CHD2: variants seen among roughly 807,000 people sequenced by gnomAD.
CHD2 encodes ATP-dependent chromatin remodeler CHD2.
Under a neutral mutation model 243.9 loss-of-function variants are expected in CHD2, and 28 were observed. That is an observed-to-expected ratio of 0.11 (90% CI 0.09 to 0.16). The LOEUF (loss-of-function observed/expected upper bound fraction) is 0.16, where lower values mean the gene tolerates loss of function less well. Ranked by LOEUF, CHD2 falls within the 10% of genes least tolerant of loss-of-function variation. CHD2 has a pLI of 1.00. For synonymous variants in CHD2, 775 were observed against 779.0 expected, an observed-to-expected ratio of 0.99 and a Z score of 0.09; for missense variants, 1,386 against 2,209.8, an observed-to-expected ratio of 0.63 and a Z score of 7.47.
At chr15:92,948,270 C>T (rs9302362) in intron 12 of CHD2, among the ~76,000 whole-genome samples, 53,806 of 151,978 alleles carry the variant, frequency 0.35, 11,003 homozygotes, top group East Asian at 0.81. Context: ...TGAAGATCAA[C>T]TGTATTTAGC....
Position 93,012,370 on chromosome 15 carries a change from T to G in CHD2, c.4618T>G (p.Phe1540Val). 1 of 1,607,744 alleles carries G rather than the reference T, an allele frequency of 6.2e-7. No individual in the cohort carries two copies. Among genetic ancestry groups the G allele is most frequent in the Non-Finnish European group, 8.5e-7 (1 of 1,178,284 alleles). The change falls in exon 36 of 39, where the codon TTT (phenylalanine) becomes GTT (valine). Residue 1540 changes from phenylalanine to valine, a missense_variant. Coordinates refer to ENST00000394196, the MANE Select transcript of CHD2 (RefSeq NM_001271.4). ...RRNLWIFVSK[F>V]TEFDARKLHK... ...GAACCTATGGATTTTTGTTTCCAAG[T>G]TTACAGAATTTGATGCTCGAAAACT...
At position 92,948,964 on chromosome 15, in the gene CHD2, A is replaced by G; in HGVS notation, c.1390A>G (p.Arg464Gly). 6.2e-7 allele frequency: 1 copy of G among 1,613,232 alleles called. No individual in the cohort carries two copies. Residue 464 changes from arginine (R) to glycine (G), a missense_variant, in exon 13 of 39, where the codon AGA (arginine) becomes GGA (glycine). By Grantham distance (125) the Arg-to-Gly change is moderately radical. Coordinates refer to ENST00000394196, the MANE Select transcript of CHD2 (RefSeq NM_001271.4). ...TTTTGTTTTTCAGGCCCTGAAGCAG[A>G]GACCACGATTTGTAGCTTTAAAGAA... is the stretch of plus-strand genomic sequence containing the variant. ...PTRECKALKQ[R>G]PRFVALKKQP...
In CHD2 at chr15:93,024,607, C is replaced by T. The variant is rs754174173; in HGVS notation, c.5389C>T (p.His1797Tyr). The T allele has an allele frequency of 1.2e-5, 19 of 1,614,114 alleles. No individual in the cohort carries two copies. In the African/African-American group the frequency reaches 2.3e-4, roughly 19 times the overall value. Residue 1797 changes from histidine (H) to tyrosine (Y), a missense_variant, in exon 39 of 39, where the codon CAC becomes TAC. This residue lies in a region of CHD2 where 347 missense variants were observed against 341.6 expected (regional missense o/e 1.02). Coordinates refer to ENST00000394196, the MANE Select transcript of CHD2 (RefSeq NM_001271.4). Reference sequence around the variant, plus strand: ...CTCACCCCCTTCTCAGAAATCTCCTCACGATTCCAAGTCACCCCTGGATCA... The same window carrying T: ...CTCACCCCCTTCTCAGAAATCTCCTTACGATTCCAAGTCACCCCTGGATCA... The part of the protein sequence containing the change: ...PRSPPSQKSP[H>Y]DSKSPLDHRS...
chr15:93,021,658 G>A (rs1201205164), intron 38 of CHD2: 1 of 152,186 alleles, frequency 6.6e-6, no homozygotes, highest in Non-Finnish European at 1.5e-5. Context: ...CCCATCCAGT[G>A]TACTTTGCAT....
intron 16 of CHD2, 74 bp downstream of exon 16, chr15:92,956,723 G>A: frequency 7.2e-7 from 1 of 1,380,994 alleles, no homozygotes; most frequent in Non-Finnish European, 9.8e-7. Context: ...TTTCTTAGTA[G>A]ACCTTAGGGA....
chr15:92,918,842 C>G (rs1269117273), intron 2 of CHD2, among the ~76,000 whole-genome samples: 1 of 151,170 alleles, frequency 6.6e-6, no homozygotes, highest in African/African-American at 2.4e-5. Flanking sequence ...TACATACACA[C>G]ATATATATAC....
chr15:92,975,976 T>C (rs1053918945), intron 20 of CHD2, among the ~76,000 whole-genome samples: 6 of 152,198 alleles, frequency 3.9e-5, no homozygotes, highest in African/African-American at 1.4e-4. Context: ...AGCTGTAAAA[T>C]CACAATGATT....
In CHD2 at chr15:92,974,880, G is replaced by A. The variant is rs1429832116; in HGVS notation, c.2507G>A (p.Arg836His). The A allele has an allele frequency of 4.3e-6, 7 of 1,613,326 alleles. No individual in the cohort carries two copies. The highest frequency in any genetic ancestry group is 1.1e-5 in the South Asian group (1 of 91,086). ...TTTTCTTGTGGTTTATTTTTACAGC[G>A]TCTGGATGGTTCCATCAAGGGAGAA... is the stretch of plus-strand genomic sequence containing the variant. Reference protein sequence around the residue: ...YLTIKHYPFQRLDGSIKGEIR... With the variant: ...YLTIKHYPFQHLDGSIKGEIR... The change falls in exon 20 of 39, where the codon CGT becomes CAT. Residue 836 changes from arginine (R) to histidine (H), a missense_variant and splice_region_variant. By Grantham distance (29) the Arg-to-His change is conservative. Transcript: ENST00000394196.
chr15:92,927,161 A>G, intron 3 of CHD2, 83 bp from the exon 4 acceptor site: 10 of 962,112 alleles, frequency 1.0e-5, no homozygotes, highest in Non-Finnish European at 1.4e-5. Flanking sequence ...GGTTACTTGA[A>G]TTCTCTTCAA....
At chr15:92,987,773 G>GT (rs964249664) in intron 26 of CHD2, among the ~76,000 whole-genome samples, 14 of 150,036 alleles carry the variant, frequency 9.3e-5, no homozygotes, top group South Asian at 6.3e-4. Flanking sequence ...TATATGTCAT[G>GT]TTTTTTTTGT....
intron 2 of CHD2, chr15:92,904,726 A>G (rs2052587306): frequency 7.1e-7 from 1 of 1,400,564 alleles, no homozygotes; most frequent in Admixed American, 3.1e-5. Flanking sequence ...TAAAATAGAA[A>G]ATTTGCCCAG....
At chr15:92,960,732 T>TA (rs1555441259) in intron 16 of CHD2, among the ~76,000 whole-genome samples, 22 of 146,278 alleles carry the variant, frequency 1.5e-4, no homozygotes, top group African/African-American at 3.6e-4. Context: ...TTTTTTTTTT[T>TA]AAGACAGAGT....
In CHD2 at chr15:92,940,903, AATAT is replaced by A. The variant is rs1164978823; in HGVS notation, c.693-911_693-908del. Among the ~76,000 whole-genome samples, 332 of 94,654 alleles carry A rather than the reference AATAT, an allele frequency of 3.5e-3. 1 individual carries two copies. The highest frequency in any genetic ancestry group is 5.8e-3 in the Non-Finnish European group (275 of 47,354). The allele number at this position is 94,654 out of a possible 152,430, so 62.1% of individuals were successfully genotyped here. A position where few individuals can be genotyped will look rare whatever the true frequency, so the allele number is the denominator to read the frequency against. ...ATAAATATATATAAAAATATATATA[AATAT>A]ATATATAAATATACATATAAATATA... On this transcript the variant is annotated intron_variant, in intron 7 of 38. Transcript: ENST00000394196.
At chr15:92,985,788 A>AG in intron 26 of CHD2, 115 bp downstream of exon 26, 1 of 1,028,210 alleles carries the variant, frequency 9.7e-7, no homozygotes, top group Non-Finnish European at 1.4e-6. Context: ...CCTACAAAAA[A>AG]GGAAAGAGAA....
At chr15:92,943,340 G>A in intron 9 of CHD2, 1 of 390,556 alleles carries the variant, frequency 2.6e-6, no homozygotes, top group Non-Finnish European at 4.7e-6. Flanking sequence ...GATTTGTACT[G>A]TTATTACCCA....
At position 92,965,721 on chromosome 15, in the gene CHD2, T is replaced by C. The variant is rs887641430; in HGVS notation, c.2001-1604T>C. The stretch of plus-strand genomic sequence containing the variant: ...TTCATAAACAAATAAATGATACTTA[T>C]ATCTCCTCAGTGTGTGTAGATCAAG... On this transcript the variant is annotated intron_variant, in intron 16 of 38. Coordinates refer to ENST00000394196, the MANE Select transcript of CHD2 (RefSeq NM_001271.4). Among the ~76,000 whole-genome samples the C allele has an allele frequency of 1.8e-4, 27 of 152,290 alleles. No individual in the cohort carries two copies. In the South Asian group the frequency reaches 5.4e-3, roughly 30 times the overall value.
intron 1 of CHD2, 121 bp downstream of exon 1, chr15:92,900,945 T>TA: frequency 2.2e-6 from 1 of 444,842 alleles, no homozygotes; most frequent in Non-Finnish European, 4.0e-6. Flanking sequence ...TATTTGTATC[T>TA]AGTGTGCTAC....
intron 37 of CHD2, among the ~76,000 whole-genome samples, chr15:93,019,716 C>G (rs2141894526): frequency 6.6e-6 from 1 of 152,198 alleles, no homozygotes; most frequent in African/African-American, 2.4e-5. Context: ...GGCGGATCAC[C>G]TGAGGTCAGG....
At chr15:92,964,033 A>G (rs1026181324) in intron 16 of CHD2, among the ~76,000 whole-genome samples, 1 of 152,224 alleles carries the variant, frequency 6.6e-6, no homozygotes, top group Non-Finnish European at 1.5e-5. Flanking sequence ...TCCTGCCATT[A>G]AGTAGCTGTG....
Sources: gnomAD v4.1 joint callset for allele counts (sites outside exome capture counted in the v4.1 genomes callset) on GRCh38, gnomAD v4.1.1 for gene constraint, gnomAD v4.1.1 regional missense constraint, MANE v1.5 for transcripts, NCBI Gene and HGNC (gene_info 2026-07-23, HGNC 2026-07-21) for gene names.